Variants in VWA8 observed in about 807,000 individuals in gnomAD.
VWA8 encodes the protein von Willebrand factor A domain-containing protein 8.
A neutral mutation model predicts 241.5 loss-of-function variants in VWA8; 221 were observed. The observed-to-expected ratio is 0.91, with a 90% confidence interval of 0.82 to 1.02. The LOEUF (loss-of-function observed/expected upper bound fraction) is 1.02, where lower values mean the gene tolerates loss of function less well. Ranked by LOEUF, VWA8 falls within the 50% of genes least tolerant of loss-of-function variation. VWA8 has a pLI of 0.00. For missense variants in VWA8, 2,322 were observed against 2,328.7 expected, an observed-to-expected ratio of 1.00 and a Z score of 0.06; for synonymous variants, 852 against 827.1, an observed-to-expected ratio of 1.03 and a Z score of -0.52.
chr13:41,744,148 T>A (rs139786083), intron 21 of VWA8, among the ~76,000 whole-genome samples: 40 of 152,290 alleles, frequency 2.6e-4, no homozygotes, highest in East Asian at 1.9e-3. Context: ...GCTCCAGAAC[T>A]CCCTGTGAAG....
chr13:41,646,217 C>T (rs12873408), intron 37 of VWA8, among the ~76,000 whole-genome samples: 6,177 of 152,218 alleles, frequency 0.041, 159 homozygotes, highest in South Asian at 0.078. Flanking sequence ...CTGCCCACTT[C>T]TGCCTACCAA....
chr13:41,734,299 C>T (rs1425285618), intron 21 of VWA8, among the ~76,000 whole-genome samples: 8 of 152,038 alleles, frequency 5.3e-5, no homozygotes, highest in African/African-American at 2.4e-5. Context: ...GATAGCACCA[C>T]GGCAGTCCAG....
intron 43 of VWA8, among the ~76,000 whole-genome samples, chr13:41,573,144 G>A (rs930094033): frequency 8.7e-5 from 13 of 149,546 alleles, no homozygotes; most frequent in Admixed American, 1.3e-4. Context: ...AGCCAGGCAC[G>A]GTGGCTGACG....
chr13:41,567,555 G>A lies in VWA8; in HGVS notation c.*642C>T, dbSNP rs1324361093. The A allele has an allele frequency of 6.6e-6, 1 of 152,190 alleles. No individual in the cohort carries two copies. Among genetic ancestry groups the A allele is most frequent in the Non-Finnish European group, 1.5e-5 (1 of 68,034 alleles). 9.4% of individuals were successfully genotyped at this position (152,190 alleles called of 1,614,324 possible). The stretch of plus-strand genomic sequence containing the variant: ...TCTTTAAGAGCCTTTTAAAAGTCAC[G>A]TGGAAAGGCAAGCACTCCAAGGATT... On this transcript the variant is annotated 3_prime_UTR_variant, in exon 45 of 45. Transcript: ENST00000379310.
At chr13:41,882,687 G>C (rs1203957299) in intron 9 of VWA8, among the ~76,000 whole-genome samples, 1 of 152,212 alleles carries the variant, frequency 6.6e-6, no homozygotes, top group African/African-American at 2.4e-5. Flanking sequence ...GCCTGCAATC[G>C]CAGGCACTCG....
chr13:41,850,464 C>G (rs923966405), intron 12 of VWA8, among the ~76,000 whole-genome samples: 2 of 152,176 alleles, frequency 1.3e-5, no homozygotes, highest in African/African-American at 2.4e-5. Context: ...TAGTGCCACA[C>G]TGGACTCTGA....
chr13:41,764,017 A>C (rs1306628806), intron 20 of VWA8, among the ~76,000 whole-genome samples: 1 of 152,146 alleles, frequency 6.6e-6, no homozygotes, highest in Non-Finnish European at 1.5e-5. Flanking sequence ...CATCACAGAC[A>C]GCTCACACTT....
At chr13:41,638,959 C>T (rs2044777199) in intron 37 of VWA8, among the ~76,000 whole-genome samples, 2 of 152,174 alleles carry the variant, frequency 1.3e-5, no homozygotes, top group Admixed American at 6.5e-5. Context: ...TGACAAGAGA[C>T]AGGAGAGGCT....
At chr13:41,628,913 C>T (rs568316474) in intron 37 of VWA8, among the ~76,000 whole-genome samples, 11 of 152,036 alleles carry the variant, frequency 7.2e-5, no homozygotes, top group South Asian at 4.2e-4. Flanking sequence ...TGGTGGTGTG[C>T]GCCTGTAGTC....
At chr13:41,882,611 G>C (rs887349035) in intron 9 of VWA8, among the ~76,000 whole-genome samples, 5 of 152,216 alleles carry the variant, frequency 3.3e-5, no homozygotes, top group South Asian at 2.1e-4. Flanking sequence ...AGACCAGCCC[G>C]GCCAACACAG....
intron 2 of VWA8, 27 bp from the exon 3 acceptor site, chr13:41,912,195 T>G (rs1876040793): frequency 1.9e-6 from 3 of 1,559,878 alleles, no homozygotes; most frequent in Non-Finnish European, 2.6e-6. Context: ...GAAAATGAAG[T>G]GCAAATTTAA....
chr13:41,595,219 T>C (rs899596390), intron 40 of VWA8, among the ~76,000 whole-genome samples: 7 of 152,204 alleles, frequency 4.6e-5, no homozygotes, highest in African/African-American at 1.7e-4. Flanking sequence ...CTTGTGCTGA[T>C]ATTGCTTCTT....
At chr13:41,733,137 G>A (rs957292869) in intron 21 of VWA8, among the ~76,000 whole-genome samples, 7 of 151,948 alleles carry the variant, frequency 4.6e-5, no homozygotes, top group East Asian at 3.9e-4. Context: ...AGACCTGGAC[G>A]TTATACTTGT....
chr13:41,767,720 T>A (rs1208047095), intron 20 of VWA8, among the ~76,000 whole-genome samples: 1 of 152,160 alleles, frequency 6.6e-6, no homozygotes, highest in African/African-American at 2.4e-5. Flanking sequence ...CTTATAAACC[T>A]CCCTATCAAA....
At chr13:41,630,576 C>T (rs999226869) in intron 37 of VWA8, among the ~76,000 whole-genome samples, 1 of 152,042 alleles carries the variant, frequency 6.6e-6, no homozygotes, top group Admixed American at 6.6e-5. Context: ...AAACACATCC[C>T]TATAGGCATC....
intron 21 of VWA8, 87 bp downstream of exon 21, chr13:41,761,041 C>T: frequency 7.4e-7 from 1 of 1,351,250 alleles, no homozygotes; most frequent in Admixed American, 2.1e-5. Context: ...TAAAATGGGC[C>T]TCTAAGAAAG....
At chr13:41,647,453 T>A (rs2044839028) in intron 37 of VWA8, among the ~76,000 whole-genome samples, 1 of 152,192 alleles carries the variant, frequency 6.6e-6, no homozygotes, top group Non-Finnish European at 1.5e-5. Context: ...AAAAGACTTA[T>A]TTGAAAAAAA....
intron 36 of VWA8, among the ~76,000 whole-genome samples, chr13:41,671,522 T>C (rs969997741): frequency 2.0e-5 from 3 of 152,242 alleles, no homozygotes; most frequent in African/African-American, 7.2e-5. Flanking sequence ...GAATTTGCTA[T>C]GGACTAAATG....
At chr13:41,632,016 C>A (rs1035878616) in intron 37 of VWA8, among the ~76,000 whole-genome samples, 1 of 152,110 alleles carries the variant, frequency 6.6e-6, no homozygotes, top group Admixed American at 6.5e-5. Context: ...CTTTTAAGAG[C>A]CTTCAAAAGG....
Sources: gnomAD v4.1 joint callset for allele counts (sites outside exome capture counted in the v4.1 genomes callset) on GRCh38, gnomAD v4.1.1 for gene constraint, MANE v1.5 for transcripts, NCBI Gene and HGNC (gene_info 2026-07-23, HGNC 2026-07-21) for gene names.